The following MCF2L2 variants were observed in gnomAD, a reference collection of about 807,000 sequenced individuals.
The protein encoded by MCF2L2 is probable guanine nucleotide exchange factor MCF2L2.
Under a neutral mutation model 150.2 loss-of-function variants are expected in MCF2L2, and 102 were observed. That is an observed-to-expected ratio of 0.68 (90% confidence interval 0.58 to 0.80). The LOEUF is 0.80. Ranked by LOEUF, MCF2L2 falls within the 30% of genes least tolerant of loss-of-function variation. The probability of loss-of-function intolerance (pLI) is 0.00; values close to 1 mark genes in which losing one functional copy is unlikely to be tolerated. For synonymous variants in MCF2L2, 465 were observed against 491.3 expected, an observed-to-expected ratio of 0.95 and a Z score of 0.71; for missense variants, 1,256 against 1,372.8, an observed-to-expected ratio of 0.91 and a Z score of 1.34.
chr3:183,288,713 C>T (rs957341111), intron 14 of MCF2L2, among the ~76,000 whole-genome samples: 1 of 152,132 alleles, frequency 6.6e-6, no homozygotes, highest in African/African-American at 2.4e-5. Flanking sequence ...AACTCCTGAC[C>T]TCGTGATCTT....
At chr3:183,379,475 A>G in intron 2 of MCF2L2, 64 bp from the exon 3 acceptor site, 1 of 1,120,462 alleles carries the variant, frequency 8.9e-7, no homozygotes, top group Non-Finnish European at 1.3e-6. Flanking sequence ...TCTGCAGGGA[A>G]GTTGGGCGAA....
intron 1 of MCF2L2, among the ~76,000 whole-genome samples, chr3:183,408,587 G>A (rs150529565): frequency 6.6e-6 from 1 of 152,160 alleles, no homozygotes; most frequent in African/African-American, 2.4e-5. Flanking sequence ...AATATGGTTA[G>A]TCTTAAATTG....
At chr3:183,314,648 G>T (rs1427534440) in intron 7 of MCF2L2, among the ~76,000 whole-genome samples, 5 of 151,916 alleles carry the variant, frequency 3.3e-5, no homozygotes, top group African/African-American at 1.2e-4. Flanking sequence ...CACTCTCCAG[G>T]CTGGGAGAAA....
chr3:183,374,826 C>T (rs1713101230), intron 3 of MCF2L2: 1 of 152,214 alleles, frequency 6.6e-6, no homozygotes, highest in Admixed American at 6.5e-5. Context: ...CTCTGGAATG[C>T]TCCCTTCTGT....
chr3:183,318,241 A>G, intron 6 of MCF2L2, 24 bp from the exon 7 acceptor site: 1 of 1,613,850 alleles, frequency 6.2e-7, no homozygotes. Flanking sequence ...CAATTGTAAC[A>G]ATATGGAGAG....
At chr3:183,239,418 C>G (rs1473680519) in intron 15 of MCF2L2, among the ~76,000 whole-genome samples, 2 of 151,524 alleles carry the variant, frequency 1.3e-5, no homozygotes, top group Admixed American at 1.3e-4. Context: ...ATGCTTGTTT[C>G]AAATGACACC....
intron 14 of MCF2L2, among the ~76,000 whole-genome samples, chr3:183,286,488 T>C (rs992597985): frequency 2.0e-5 from 3 of 152,216 alleles, no homozygotes; most frequent in Admixed American, 6.5e-5. Flanking sequence ...TGTTAGTCAA[T>C]TGATTTGTCC....
At position 183,207,798 on chromosome 3, in the gene MCF2L2, A is replaced by G. The variant is rs754995550; in HGVS notation, c.2522T>C (p.Leu841Pro). The change falls in exon 23 of 30, where the codon CTG becomes CCG. Residue 841 changes from leucine (L) to proline (P), a missense_variant. Transcript: ENST00000328913. The part of the protein sequence containing the change: ...CPDDIGKLGK[L>P]LLHGPFSVWT... ...GACGCTGAAAGGGCCGTGCAGCAACAGCTTGCCTAGTTTTCCAATATCGTC... is the reference window on the plus strand; with the variant it reads ...GACGCTGAAAGGGCCGTGCAGCAACGGCTTGCCTAGTTTTCCAATATCGTC... 2.5e-6 allele frequency: 4 copies of G among 1,614,038 alleles called. No homozygotes were observed. Among genetic ancestry groups the G allele is most frequent in the Non-Finnish European group, 8.5e-7 (1 of 1,179,978 alleles).
intron 15 of MCF2L2, among the ~76,000 whole-genome samples, chr3:183,257,648 C>A (rs1055532575): frequency 1.3e-5 from 2 of 152,124 alleles, no homozygotes; most frequent in Non-Finnish European, 2.9e-5. Flanking sequence ...GTGTTATAAA[C>A]CCTCTATCAA....
intron 2 of MCF2L2, among the ~76,000 whole-genome samples, chr3:183,380,398 C>T (rs1162481035): frequency 1.3e-5 from 2 of 152,038 alleles, no homozygotes; most frequent in African/African-American, 4.8e-5. Context: ...GAGGTAGTTC[C>T]CTATTTCTTT....
intron 26 of MCF2L2, among the ~76,000 whole-genome samples, chr3:183,194,624 C>A (rs539503862): frequency 2.0e-5 from 3 of 152,100 alleles, no homozygotes; most frequent in African/African-American, 7.2e-5. Context: ...GGGGAGGTTT[C>A]GAACTGGCAG....
intron 23 of MCF2L2, among the ~76,000 whole-genome samples, chr3:183,206,948 A>AG: frequency 1.6e-4 from 8 of 49,742 alleles, no homozygotes; most frequent in African/African-American, 4.8e-4. Context: ...GAAGGAAGGA[A>AG]GGAAGGAAGG....
At chr3:183,294,122 A>G (rs913107022) in intron 13 of MCF2L2, among the ~76,000 whole-genome samples, 5 of 152,194 alleles carry the variant, frequency 3.3e-5, no homozygotes, top group African/African-American at 1.2e-4. Flanking sequence ...AACAACCTTG[A>G]AAAAGAACAA....
intron 5 of MCF2L2, among the ~76,000 whole-genome samples, chr3:183,332,286 A>G (rs1356579941): frequency 6.6e-6 from 1 of 152,156 alleles, no homozygotes; most frequent in African/African-American, 2.4e-5. Context: ...TTACTTACGG[A>G]GTGAACTTGC....
intron 15 of MCF2L2, among the ~76,000 whole-genome samples, chr3:183,264,323 C>A (rs1725899637): frequency 6.6e-6 from 1 of 152,188 alleles, no homozygotes; most frequent in South Asian, 2.1e-4. Context: ...CTAATCCAAC[C>A]CCCACCGATT....
chr3:183,326,509 AAAAAAAAC>A (rs575468984), intron 5 of MCF2L2, among the ~76,000 whole-genome samples: 8,337 of 130,660 alleles, frequency 0.064, 555 homozygotes, highest in African/African-American at 0.12. Context: ...AAAAAAAAAA[AAAAAAAAC>A]AAAAAAAAAC....
At chr3:183,190,683 T>G (rs1247109322) in intron 27 of MCF2L2, among the ~76,000 whole-genome samples, 2 of 152,054 alleles carry the variant, frequency 1.3e-5, no homozygotes, top group African/African-American at 4.8e-5. Context: ...GGACATAACC[T>G]CACAGGCATT....
intron 14 of MCF2L2, among the ~76,000 whole-genome samples, chr3:183,278,379 A>G (rs73884631): frequency 0.026 from 3,908 of 151,808 alleles, 175 homozygotes; most frequent in African/African-American, 0.087. Context: ...TGTGTACATA[A>G]AAGTAAGTAT....
intron 11 of MCF2L2, chr3:183,299,799 T>A (rs1728744536): frequency 1.9e-6 from 1 of 535,226 alleles, no homozygotes; most frequent in Admixed American, 3.8e-5. Context: ...TGGGATGTGG[T>A]GGGATGGCCA....
Sources: gnomAD v4.1 joint callset for allele counts (sites outside exome capture counted in the v4.1 genomes callset) on GRCh38, gnomAD v4.1.1 for gene constraint, MANE v1.5 for transcripts, NCBI Gene and HGNC (gene_info 2026-07-23, HGNC 2026-07-21) for gene names.